Variants in AFAP1L1 observed in about 807,000 individuals in gnomAD.
AFAP1L1 encodes actin filament-associated protein 1-like 1.
A neutral mutation model predicts 99.8 loss-of-function variants in AFAP1L1; 77 were observed. The observed-to-expected ratio is 0.77, with a 90% CI of 0.64 to 0.93. AFAP1L1 has a LOEUF of 0.93. Among genes scored for constraint, AFAP1L1 ranks in the 40% least tolerant of loss-of-function variants. The pLI is 0.00. For synonymous variants in AFAP1L1, 373 were observed against 395.3 expected (o/e 0.94, Z 0.67); for missense variants, 893 against 996.8 (o/e 0.90, Z 1.40).
At chr5:149,300,242 A>G (rs1363496511) in intron 2 of AFAP1L1, 29 bp from the exon 3 acceptor site, 1 of 1,576,492 alleles carries the variant, frequency 6.3e-7, no homozygotes, top group Non-Finnish European at 8.7e-7. Flanking sequence ...CCTCCTTCAC[A>G]GCTGGCATGT....
chr5:149,314,080 T>C (rs1016739958), intron 9 of AFAP1L1, among the ~76,000 whole-genome samples: 2 of 152,074 alleles, frequency 1.3e-5, no homozygotes, highest in Admixed American at 1.3e-4. Context: ...CCTTAAGGCA[T>C]AGGCAAGATT....
chr5:149,278,948 G>A (rs1031413417), intron 1 of AFAP1L1, among the ~76,000 whole-genome samples: 1 of 152,144 alleles, frequency 6.6e-6, no homozygotes, highest in Non-Finnish European at 1.5e-5. Context: ...CACCAGCCAC[G>A]ATTTGGCCTC....
intron 8 of AFAP1L1, among the ~76,000 whole-genome samples, chr5:149,311,822 G>A (rs1421772270): frequency 6.6e-6 from 1 of 152,192 alleles, no homozygotes; most frequent in East Asian, 1.9e-4. Flanking sequence ...TTGCAGATGT[G>A]GACACTGAGG....
In AFAP1L1 at chr5:149,320,440, G is replaced by C. The variant is rs1348259951; in HGVS notation, c.1675G>C (p.Asp559His). The C allele has an allele frequency of 1.2e-6, 2 of 1,614,222 alleles. No individual in the cohort carries two copies. Among genetic ancestry groups the C allele is most frequent in the Non-Finnish European group, 1.7e-6 (2 of 1,180,054 alleles). ...GTGGCCTGAGCCCCGAGTCTATGAT[G>C]ATGTTCCTTATGAAAAGATGCAGGT... ...NQWPEPRVYD[D>H]VPYEKMQDEE... Residue 559 changes from aspartate (D) to histidine (H), a missense_variant, in exon 14 of 19, where the codon GAT becomes CAT. Transcript: ENST00000296721. The surrounding 1 kb of genome is among the most constrained non-coding windows in gnomAD (Gnocchi z 4.0).
At chr5:149,306,445 T>C (rs1462245375) in intron 6 of AFAP1L1, 41 bp downstream of exon 6, 1 of 1,555,664 alleles carries the variant, frequency 6.4e-7, no homozygotes. Context: ...GCAGGGCTTC[T>C]GCCCTTGCAA....
Position 149,307,717 on chromosome 5 carries a change from G to A in AFAP1L1, c.747+104G>A, listed in dbSNP as rs934073895. ...TGTCTGCCTTGGGCATACCTGGATT[G>A]ACTGTGTGCACAGAAGCTCAAAGGC... On this transcript the variant is annotated intron_variant, in intron 7 of 18. Coordinates refer to ENST00000296721, the MANE Select transcript of AFAP1L1 (RefSeq NM_152406.4). The A allele has an allele frequency of 2.4e-6, 3 of 1,257,266 alleles. No individual in the cohort carries two copies. The South Asian group carries it at 4.2e-5, about 17-fold the overall frequency. The allele number at this position is 1,257,266 out of a possible 1,614,324, so 77.9% of individuals were successfully genotyped here. A position where few individuals can be genotyped will look rare whatever the true frequency, so the allele number is the denominator to read the frequency against.
intron 1 of AFAP1L1, among the ~76,000 whole-genome samples, chr5:149,280,612 T>G (rs1348311464): frequency 6.6e-6 from 1 of 152,226 alleles, no homozygotes; most frequent in Non-Finnish European, 1.5e-5. Flanking sequence ...TTCACACTTT[T>G]CAACTGAATG....
intron 6 of AFAP1L1, among the ~76,000 whole-genome samples, chr5:149,306,951 C>T (rs1311415001): frequency 6.6e-6 from 1 of 152,102 alleles, no homozygotes. Context: ...CAACAAAGTG[C>T]AAAAGTAGGG....
In AFAP1L1 at chr5:149,310,002, T is replaced by A. The variant is rs1392005136; in HGVS notation, c.794T>A (p.Leu265Gln). ...KDRQPHLRLALDTCSIIYVPK... is the reference protein window; with the variant it reads ...KDRQPHLRLAQDTCSIIYVPK... ...CGGCAGCCACATCTGAGGTTGGCAC[T>A]GGATACCTGCAGCATCATCTACGTG... Residue 265 changes from leucine (L) to glutamine (Q), a missense_variant, in exon 8 of 19, where the codon CTG (leucine) becomes CAG (glutamine). Physicochemically the swap from Leu to Gln is moderately radical, Grantham distance 113. Coordinates refer to ENST00000296721, the MANE Select transcript of AFAP1L1 (RefSeq NM_152406.4). 1 of 1,614,136 alleles carries A rather than the reference T, an allele frequency of 6.2e-7. No individual in the cohort carries two copies. Among genetic ancestry groups the A allele is most frequent in the Non-Finnish European group, 8.5e-7 (1 of 1,180,052 alleles).
intron 10 of AFAP1L1, 82 bp from the exon 11 acceptor site, chr5:149,316,069 C>T: frequency 6.3e-7 from 1 of 1,586,604 alleles, no homozygotes; most frequent in Non-Finnish European, 8.6e-7. Context: ...ATCCTGTATG[C>T]AGGCTGAAAA....
chr5:149,321,247 AC>A (rs1238800894), intron 14 of AFAP1L1, among the ~76,000 whole-genome samples: 1 of 152,138 alleles, frequency 6.6e-6, no homozygotes, highest in Non-Finnish European at 1.5e-5. Context: ...ACTCAGATAA[AC>A]CTGTGGATGC....
Position 149,306,398 on chromosome 5 carries a change from A to G in AFAP1L1, c.529A>G (p.Ser177Gly). 1 of 1,609,896 alleles carries G rather than the reference A, an allele frequency of 6.2e-7. No individual in the cohort carries two copies. The highest frequency in any genetic ancestry group is 2.2e-5 in the East Asian group (1 of 44,778). Residue 177 changes from serine (S) to glycine (G), a missense_variant, in exon 6 of 19, where the codon AGC (serine) becomes GGC (glycine). Physicochemically the swap from Ser to Gly is moderately conservative, Grantham distance 56. Coordinates refer to ENST00000296721, the MANE Select transcript of AFAP1L1 (RefSeq NM_152406.4). ...PATRVNGELK[S>G]SYNDSDAMSS... Reference sequence around the variant, plus strand: ...AACCAGGGTGAACGGCGAGCTTAAGAGCTCCTGTAAGTACCAGGTGGGCGT... The same window carrying G: ...AACCAGGGTGAACGGCGAGCTTAAGGGCTCCTGTAAGTACCAGGTGGGCGT...
At chr5:149,307,280 T>C in intron 6 of AFAP1L1, 122 bp from the exon 7 acceptor site, 1 of 977,078 alleles carries the variant, frequency 1.0e-6, no homozygotes, top group South Asian at 1.5e-5. Flanking sequence ...TCATTACCAG[T>C]GTCATGCCTA....
rs1756987597 is a variant in AFAP1L1, at chr5:149,322,704, A to T, written c.1797A>T (p.Lys599Asn). 6.3e-7 allele frequency: 1 copy of T among 1,584,414 alleles called. No individual in the cohort carries two copies. Among genetic ancestry groups the T allele is most frequent in the Admixed American group, 1.8e-5 (1 of 56,312 alleles). Residue 599 changes from lysine to asparagine, a missense_variant, in exon 15 of 19, where the codon AAA (lysine) becomes AAT (asparagine). Transcript: ENST00000296721. ...SHRVDPQVKVKRHASSANQYK... is the reference protein window; with the variant it reads ...SHRVDPQVKVNRHASSANQYK... ...GTGTGGACCCGCAGGTCAAAGTCAA[A>T]CGCCACGCCTCCAGTGAGTTGTGTG...
At chr5:149,272,162 A>C (rs1427136269) in intron 1 of AFAP1L1, among the ~76,000 whole-genome samples, 178 bp downstream of exon 1, 1 of 152,148 alleles carries the variant, frequency 6.6e-6, no homozygotes, top group Non-Finnish European at 1.5e-5. Context: ...CTGCCGGGAC[A>C]ACCCGGTGCG....
intron 14 of AFAP1L1, 101 bp from the exon 15 acceptor site, chr5:149,322,505 C>T (rs1177176087): frequency 1.3e-6 from 1 of 752,484 alleles, no homozygotes; most frequent in Non-Finnish European, 2.1e-6. Context: ...ACCAAGATCT[C>T]AGAGCAAGAA....
rs2127608396 is a variant in AFAP1L1, at chr5:149,343,419, A to G, written c.*3389A>G. ...CACCAATCCATCCTCTCAGTCTGTC[A>G]GCTTTCCATCCTAAATCTCTAAAAT... On this transcript the variant is annotated 3_prime_UTR_variant, in exon 19 of 19. Transcript: ENST00000296721. Among the ~76,000 whole-genome samples the G allele has an allele frequency of 6.6e-6, 1 of 152,262 alleles. No individual in the cohort carries two copies. The highest frequency in any genetic ancestry group is 2.1e-4 in the South Asian group (1 of 4,834).
At chr5:149,318,332 C>T (rs1561679395) in intron 12 of AFAP1L1, among the ~76,000 whole-genome samples, 1 of 152,192 alleles carries the variant, frequency 6.6e-6, no homozygotes, top group East Asian at 1.9e-4. Context: ...CCTTAAAATC[C>T]CAAGCCTGAA....
Position 149,320,515 on chromosome 5 carries a change from C to T in AFAP1L1, c.1698+52C>T, listed in dbSNP as rs1333774035. The stretch of plus-strand genomic sequence containing the variant: ...ATGTGGCAAAGGCCACTTATTAGCT[C>T]TCCCTCTTTCTGCTCCCTTTACCTT... On this transcript the variant is annotated intron_variant, in intron 14 of 18. Coordinates refer to ENST00000296721, the MANE Select transcript of AFAP1L1 (RefSeq NM_152406.4). The surrounding 1 kb of genome is among the most constrained non-coding windows in gnomAD (Gnocchi z 4.0). 3.3e-6 allele frequency: 5 copies of T among 1,507,816 alleles called. No homozygotes were observed. Among genetic ancestry groups the T allele is most frequent in the Admixed American group, 1.7e-5 (1 of 59,684 alleles). The allele number at this position is 1,507,816 out of a possible 1,614,324, so 93.4% of individuals were successfully genotyped here.
Sources: allele counts gnomAD v4.1 joint callset (sites outside exome capture counted in the v4.1 genomes callset), GRCh38; gene constraint gnomAD v4.1.1; non-coding constraint Gnocchi (gnomAD v3.1); transcripts MANE v1.5; gene names NCBI Gene and HGNC (gene_info 2026-07-23, HGNC 2026-07-21).